Variants in FAM171A1 observed in about 807,000 individuals in gnomAD.
FAM171A1 encodes protein FAM171A1.
FAM171A1 carries 23 observed loss-of-function variants against 74.9 expected under a neutral mutation model. The observed-to-expected ratio is 0.31, with a 90% CI of 0.22 to 0.44. The LOEUF (loss-of-function observed/expected upper bound fraction) is 0.44. Ranked by LOEUF, FAM171A1 falls within the 20% of genes least tolerant of loss-of-function variation. The pLI is 1.00. For missense variants in FAM171A1, 1,162 were observed against 1,159.2 expected (o/e 1.00, Z -0.03); for synonymous variants, 527 against 505.7 (o/e 1.04, Z -0.57).
chr10:15,213,214 C>A lies in FAM171A1; in HGVS notation c.2374G>T (p.Asp792Tyr). The A allele has an allele frequency of 6.2e-7, 1 of 1,614,158 alleles. No homozygotes were observed. The highest frequency in any genetic ancestry group is 1.3e-5 in the African/African-American group (1 of 75,050). The change falls in exon 8 of 8, where the codon GAT becomes TAT. Residue 792 changes from aspartate to tyrosine, a missense_variant. Transcript: ENST00000378116. This position sits in a 1 kb window ranked among gnomAD's most constrained non-coding sequence, Gnocchi z 6.8. Reference sequence around the variant, plus strand: ...TCGCTACCACTCTGTTCCACGTCATCCAGGTACACGAGCTGCGTGTAGGCC... The same window carrying A: ...TCGCTACCACTCTGTTCCACGTCATACAGGTACACGAGCTGCGTGTAGGCC... ...STAYTQLVYL[D>Y]DVEQSGSECG...
intron 1 of FAM171A1, among the ~76,000 whole-genome samples, chr10:15,309,285 G>A (rs1554754131): frequency 6.6e-6 from 1 of 152,244 alleles, no homozygotes; most frequent in Non-Finnish European, 1.5e-5. Flanking sequence ...CATGGCTCAC[G>A]CAGCCTCGGC....
In FAM171A1 at chr10:15,348,705, C is replaced by G. The variant is rs562087891; in HGVS notation, c.97+22251G>C. ...CAGCCTCTCAGGGGCCACACGGGAC[C>G]CTGAATTTGAATCTGCATTTAACAA... On this transcript the variant is annotated intron_variant, in intron 1 of 7. Transcript: ENST00000378116. Among the ~76,000 whole-genome samples, 7 of 152,216 alleles carry G rather than the reference C, an allele frequency of 4.6e-5. No homozygotes were observed. The South Asian group carries it at 1.5e-3, about 32-fold the overall frequency.
chr10:15,212,889 C>T lies in FAM171A1; in HGVS notation c.*26G>A, dbSNP rs1564610900. On this transcript the variant is annotated 3_prime_UTR_variant, in exon 8 of 8. Coordinates refer to ENST00000378116, the MANE Select transcript of FAM171A1 (RefSeq NM_001010924.2). ...AAAGGATATTTGGCAATTTTATATTCCACAGTCAGGTGGGTCTGCGATAGC... is the reference window on the plus strand; with the variant it reads ...AAAGGATATTTGGCAATTTTATATTTCACAGTCAGGTGGGTCTGCGATAGC... 11 of 1,606,922 alleles carry T rather than the reference C, an allele frequency of 6.8e-6. No individual in the cohort carries two copies. The highest frequency in any genetic ancestry group is 9.3e-6 in the Non-Finnish European group (11 of 1,178,300).
At chr10:15,315,239 T>C (rs1288153198) in intron 1 of FAM171A1, among the ~76,000 whole-genome samples, 3 of 152,204 alleles carry the variant, frequency 2.0e-5, no homozygotes, top group African/African-American at 7.2e-5. Context: ...GGTTCCACTC[T>C]GGAGCCAAGC....
At chr10:15,275,456 AT>A (rs879280891) in intron 3 of FAM171A1, among the ~76,000 whole-genome samples, 213 of 142,620 alleles carry the variant, frequency 1.5e-3, no homozygotes, top group Middle Eastern at 3.5e-3. Context: ...CTGGCTAAAT[AT>A]TTTTTTTTTT....
At chr10:15,350,399 G>T (rs539211043) in intron 1 of FAM171A1, among the ~76,000 whole-genome samples, 10 of 152,080 alleles carry the variant, frequency 6.6e-5, no homozygotes, top group African/African-American at 2.2e-4. Flanking sequence ...GTGCAGTGGC[G>T]TGATCTCGGC....
At position 15,329,627 on chromosome 10, in the gene FAM171A1, TAAA is replaced by T. The variant is rs11302159; in HGVS notation, c.97+41326_97+41328del. 5.6e-3 allele frequency among the ~76,000 whole-genome samples: 794 copies of T among 140,790 alleles called. 5 individuals are homozygous for T. The highest frequency in any genetic ancestry group is 0.012 in the African/African-American group (450 of 37,912). The allele number at this position is 140,790 out of a possible 152,430, so 92.4% of individuals were successfully genotyped here. A position where few individuals can be genotyped will look rare whatever the true frequency, so the allele number is the denominator to read the frequency against. ...GACAGCAGGGCAATACCATCTCACT[TAAA>T]AAAAAAAAAAAAAAAGGATGAGCTG... On this transcript the variant is annotated intron_variant, in intron 1 of 7. Transcript: ENST00000378116.
chr10:15,343,689 T>C (rs1588563560), intron 1 of FAM171A1, among the ~76,000 whole-genome samples: 1 of 152,122 alleles, frequency 6.6e-6, no homozygotes, highest in African/African-American at 2.4e-5. Context: ...CAACAGCCAC[T>C]GCACAGGCCG....
chr10:15,214,418 C>T lies in FAM171A1; in HGVS notation c.1170G>A (p.Thr390=), dbSNP rs771844084. The T allele has an allele frequency of 1.4e-5, 22 of 1,613,988 alleles. No homozygotes were observed. The Admixed American group carries it at 1.5e-4, about 11-fold the overall frequency. Residue 390 remains threonine, a synonymous_variant, in exon 8 of 8, where the codon ACG becomes ACA. Transcript: ENST00000378116. The part of the protein sequence containing the change: ...TSHGRPEAPG[T]KELMSGVHLE... ...AATGGACTCCACTCATCAGTTCCTT[C>T]GTGCCGGGGGCCTCGGGGCGGCCGT...
chr10:15,215,670 T>C (rs1833957854), intron 7 of FAM171A1, among the ~76,000 whole-genome samples: 1 of 152,170 alleles, frequency 6.6e-6, no homozygotes, highest in South Asian at 2.1e-4. Flanking sequence ...CTGGCCCAAA[T>C]AAGAAGAGTT....
At chr10:15,284,197 G>C in intron 1 of FAM171A1, 92 bp from the exon 2 acceptor site, 2 of 1,149,838 alleles carry the variant, frequency 1.7e-6, no homozygotes, top group East Asian at 4.8e-5. Context: ...TGGAAGGAGG[G>C]CTCTGTAAGG....
intron 3 of FAM171A1, among the ~76,000 whole-genome samples, chr10:15,266,024 C>G (rs1283256481): frequency 6.6e-6 from 1 of 152,158 alleles, no homozygotes; most frequent in African/African-American, 2.4e-5. Flanking sequence ...GCTCTCAGGC[C>G]ACTTGGCAGG....
intron 1 of FAM171A1, among the ~76,000 whole-genome samples, chr10:15,324,099 A>T (rs1481453127): frequency 2.0e-5 from 3 of 152,204 alleles, no homozygotes; most frequent in Non-Finnish European, 4.4e-5. Context: ...GCTCTTAGCA[A>T]GATAAATCTG....
chr10:15,347,834 C>CAA lies in FAM171A1; in HGVS notation c.97+23120_97+23121dup, dbSNP rs71390034. ...TGGGCAACAGAGCGAGACTCCATCTCAAAAAAAAAAAAAAAAAAAAAAAAA... is the reference window on the plus strand; with the variant it reads ...TGGGCAACAGAGCGAGACTCCATCTCAAAAAAAAAAAAAAAAAAAAAAAAAAA... On this transcript the variant is annotated intron_variant, in intron 1 of 7. Coordinates refer to ENST00000378116, the MANE Select transcript of FAM171A1 (RefSeq NM_001010924.2). 1.1e-3 allele frequency among the ~76,000 whole-genome samples: 99 copies of CAA among 94,232 alleles called. 1 individual carries two copies. Among genetic ancestry groups the CAA allele is most frequent in the African/African-American group, 4.0e-3 (90 of 22,236 alleles). The allele number at this position is 94,232 out of a possible 152,430, so 61.8% of individuals were successfully genotyped here. A position where few individuals can be genotyped will look rare whatever the true frequency, so the allele number is the denominator to read the frequency against.
chr10:15,261,218 C>T (rs1834652526), intron 3 of FAM171A1, among the ~76,000 whole-genome samples: 1 of 152,154 alleles, frequency 6.6e-6, no homozygotes, highest in Non-Finnish European at 1.5e-5. Flanking sequence ...TAAACAAAAC[C>T]AAGGGTTGCC....
At position 15,321,950 on chromosome 10, in the gene FAM171A1, T is replaced by C. The variant is rs111841496; in HGVS notation, c.98-37845A>G. ...TAGTTGAGAAACAAATAGTAGATAC[T>C]GTTGCTGACTTTGAGCCAAGACAGC... is the stretch of plus-strand genomic sequence containing the variant. On this transcript the variant is annotated intron_variant, in intron 1 of 7. Coordinates refer to ENST00000378116, the MANE Select transcript of FAM171A1 (RefSeq NM_001010924.2). Among the ~76,000 whole-genome samples the C allele has an allele frequency of 6.1e-3, 926 of 152,358 alleles. 8 individuals carry two copies. Among genetic ancestry groups the C allele is most frequent in the Middle Eastern group, 0.01 (3 of 294 alleles).
chr10:15,280,650 T>G (rs192410153), intron 2 of FAM171A1, among the ~76,000 whole-genome samples: 2 of 152,198 alleles, frequency 1.3e-5, no homozygotes. Context: ...AATCCGTTTC[T>G]GGGTTTCGTA....
At chr10:15,216,240 C>G in intron 6 of FAM171A1, 130 bp from the exon 7 acceptor site, 1 of 556,232 alleles carries the variant, frequency 1.8e-6, no homozygotes. Context: ...CAGAGGAAAA[C>G]GCCCTTGGAT....
At chr10:15,229,688 CACCA>C (rs1564616685) in intron 5 of FAM171A1, among the ~76,000 whole-genome samples, 1 of 140,862 alleles carries the variant, frequency 7.1e-6, no homozygotes, top group Non-Finnish European at 1.6e-5. Context: ...TCATCACCAT[CACCA>C]CCATCACCAT....
Sources: allele counts gnomAD v4.1 joint callset (sites outside exome capture counted in the v4.1 genomes callset), GRCh38; gene constraint gnomAD v4.1.1; non-coding constraint Gnocchi (gnomAD v3.1); transcripts MANE v1.5; gene names NCBI Gene and HGNC (gene_info 2026-07-23, HGNC 2026-07-21).